FAM20B: variants seen among roughly 807,000 people sequenced by gnomAD.
FAM20B encodes the protein glycosaminoglycan xylosylkinase.
Under a neutral mutation model 43.8 loss-of-function variants are expected in FAM20B, and 23 were observed. The observed-to-expected ratio is 0.53, with a 90% confidence interval of 0.38 to 0.74. FAM20B has a LOEUF of 0.74. Among genes scored for constraint, FAM20B ranks in the 30% least tolerant of loss-of-function variants. The pLI is 0.00. For missense variants in FAM20B, 440 were observed against 510.5 expected, an observed-to-expected ratio of 0.86 and a Z score of 1.33; for synonymous variants, 178 against 192.4, an observed-to-expected ratio of 0.93 and a Z score of 0.62.
At chr1:179,025,873 G>T (rs1278703457), upstream of FAM20B, 2 of 147,066 alleles carry the variant, frequency 1.4e-5, no homozygotes, top group East Asian at 2.0e-4. Context: ...CAACAGCCGG[G>T]GGCCTCGGAG....
chr1:179,054,404 T>C, intron 3 of FAM20B, 125 bp from the exon 4 acceptor site: 1 of 575,166 alleles, frequency 1.7e-6, no homozygotes, highest in Admixed American at 2.9e-5. Flanking sequence ...CTCTAAAAAA[T>C]TAGGTTTAGC....
intron 3 of FAM20B, among the ~76,000 whole-genome samples, chr1:179,051,013 T>C (rs930336769): frequency 3.3e-5 from 5 of 151,874 alleles, no homozygotes; most frequent in African/African-American, 7.3e-5. Flanking sequence ...TCCCAGCTTC[T>C]TGGGAGGCTG....
intron 3 of FAM20B, among the ~76,000 whole-genome samples, chr1:179,051,052 G>A (rs942962795): frequency 6.6e-5 from 10 of 151,806 alleles, no homozygotes; most frequent in African/African-American, 1.5e-4. Flanking sequence ...AACCCAGGAG[G>A]CACAGCTTGC....
upstream of FAM20B, among the ~76,000 whole-genome samples, chr1:179,023,118 C>T (rs924915115): frequency 6.6e-6 from 1 of 152,182 alleles, no homozygotes; most frequent in African/African-American, 2.4e-5. Context: ...TATTGAATTC[C>T]GCAGGCCACG....
chr1:179,032,897 G>A (rs143680272), intron 1 of FAM20B, among the ~76,000 whole-genome samples: 1 of 152,188 alleles, frequency 6.6e-6, no homozygotes, highest in Non-Finnish European at 1.5e-5. Flanking sequence ...TTGACTTTCT[G>A]GACATCTTGA....
intron 1 of FAM20B, among the ~76,000 whole-genome samples, chr1:179,029,849 C>T (rs1014163185): frequency 7.2e-5 from 11 of 152,222 alleles, no homozygotes; most frequent in Admixed American, 7.2e-4. Context: ...TTTAGCTATA[C>T]CTTTTGTGGA....
rs1652055710 is a variant in FAM20B at position 179,074,398 on chromosome 1, A to G, written c.*2254A>G. 6.6e-6 allele frequency: 1 copy of G among 152,620 alleles called. No individual in the cohort carries two copies. The allele number at this position is 152,620 out of a possible 1,614,324, so 9.5% of individuals were successfully genotyped here. On this transcript the variant is annotated 3_prime_UTR_variant, in exon 8 of 8. Coordinates refer to ENST00000263733, the MANE Select transcript of FAM20B (RefSeq NM_014864.4). ...AGCTGGGAGGAGACAATAGGAAGAG[A>G]TGTCATCTCTGCTCTCCCTGTAAAT...
At chr1:179,045,601 C>T (rs1346477791) in intron 2 of FAM20B, among the ~76,000 whole-genome samples, 1 of 152,118 alleles carries the variant, frequency 6.6e-6, no homozygotes, top group Non-Finnish European at 1.5e-5. Flanking sequence ...GGTAGACTTT[C>T]AGAGAATAAA....
upstream of FAM20B, among the ~76,000 whole-genome samples, chr1:179,020,850 C>T (rs1206396243): frequency 4.6e-5 from 7 of 152,180 alleles, no homozygotes; most frequent in South Asian, 2.1e-4. Flanking sequence ...GCAGGAGGAT[C>T]GCTTGAAGTC....
intron 4 of FAM20B, among the ~76,000 whole-genome samples, chr1:179,058,136 T>G (rs552450520): frequency 6.6e-6 from 1 of 152,280 alleles, no homozygotes; most frequent in Non-Finnish European, 1.5e-5. Flanking sequence ...AAAAAGCAAA[T>G]TTAGATACAG....
At chr1:179,057,196 T>C (rs1651256464) in intron 4 of FAM20B, among the ~76,000 whole-genome samples, 1 of 151,826 alleles carries the variant, frequency 6.6e-6, no homozygotes, top group Non-Finnish European at 1.5e-5. Context: ...AACACGAAAA[T>C]TAGCTGGGCA....
At chr1:179,063,321 C>T (rs1651554826) in intron 4 of FAM20B, among the ~76,000 whole-genome samples, 1 of 152,048 alleles carries the variant, frequency 6.6e-6, no homozygotes, top group Non-Finnish European at 1.5e-5. Flanking sequence ...CATGGTGGCT[C>T]ATGCCTATAA....
chr1:179,070,750 C>T (rs1651888775), intron 7 of FAM20B, among the ~76,000 whole-genome samples: 1 of 151,552 alleles, frequency 6.6e-6, no homozygotes, highest in African/African-American at 2.4e-5. Flanking sequence ...GTCTTGAACT[C>T]CCAACCTGAG....
At chr1:179,040,510 C>T (rs190568003) in intron 1 of FAM20B, among the ~76,000 whole-genome samples, 17,777 of 137,522 alleles carry the variant, frequency 0.13, 1,817 homozygotes, top group East Asian at 0.27. Context: ...ACCTCCCTCC[C>T]GGACGGGGCG....
intron 7 of FAM20B, among the ~76,000 whole-genome samples, 190 bp from the exon 8 acceptor site, chr1:179,071,719 ATTAG>A (rs1163674832): frequency 2.0e-5 from 3 of 152,340 alleles, no homozygotes; most frequent in Non-Finnish European, 2.9e-5. Context: ...TATATCTCTG[ATTAG>A]TTACACAGAA....
intron 1 of FAM20B, among the ~76,000 whole-genome samples, chr1:179,028,864 A>G (rs778141144): frequency 9.2e-4 from 140 of 152,374 alleles, no homozygotes; most frequent in Middle Eastern, 3.4e-3. Context: ...ATTCTAATGT[A>G]TATACTAAAT....
At chr1:179,030,922 A>G (rs115877596) in intron 1 of FAM20B, among the ~76,000 whole-genome samples, 2,122 of 151,016 alleles carry the variant, frequency 0.014, 60 homozygotes, top group African/African-American at 0.048. Context: ...TGTGTGTGTG[A>G]GTTCATAGTA....
upstream of FAM20B, among the ~76,000 whole-genome samples, chr1:179,025,332 C>A (rs1364860347): frequency 6.6e-6 from 1 of 152,196 alleles, no homozygotes; most frequent in Non-Finnish European, 1.5e-5. Flanking sequence ...AAGTATGTAG[C>A]AGGACGCTCC....
At position 179,044,054 on chromosome 1, in the gene FAM20B, G is replaced by A; in HGVS notation, c.207G>A (p.Gln69=). The change falls in exon 2 of 8, where the codon CAG becomes CAA. Residue 69 remains glutamine (Q), a synonymous_variant. Transcript: ENST00000263733. Reference sequence around the variant, plus strand: ...AGTCTCCCTGGGAGATTGCAGCCCAGTGGGTGGTTCCCCGGGAAGTGTACC... The same window carrying A: ...AGTCTCCCTGGGAGATTGCAGCCCAATGGGTGGTTCCCCGGGAAGTGTACC... The part of the protein sequence containing the change: ...TLQSPWEIAA[Q]WVVPREVYPE... The A allele has an allele frequency of 1.2e-6, 2 of 1,614,178 alleles. No individual in the cohort carries two copies. The highest frequency in any genetic ancestry group is 1.7e-6 in the Non-Finnish European group (2 of 1,180,038).
Sources: gnomAD v4.1 joint callset for allele counts (sites outside exome capture counted in the v4.1 genomes callset) on GRCh38, gnomAD v4.1.1 for gene constraint, MANE v1.5 for transcripts, NCBI Gene and HGNC (gene_info 2026-07-23, HGNC 2026-07-21) for gene names.